The following BACH2 variants were observed in gnomAD, a reference collection of about 807,000 sequenced individuals.
BACH2 encodes BACH transcriptional regulator 2.
Under a neutral mutation model 61.8 loss-of-function variants are expected in BACH2, and 5 were observed. That is an observed-to-expected ratio of 0.08 (90% confidence interval 0.04 to 0.17). BACH2 has a LOEUF of 0.17. BACH2 is among the 10% of genes least tolerant of loss of function. The pLI is 1.00. For missense variants in BACH2, 824 were observed against 1,091.1 expected (o/e 0.76, Z 3.45); for synonymous variants, 446 against 440.1 (o/e 1.01, Z -0.17).
chr6:90,154,820 G>A (rs1307118862), intron 4 of BACH2, among the ~76,000 whole-genome samples: 3 of 152,160 alleles, frequency 2.0e-5, no homozygotes, highest in South Asian at 4.1e-4. Flanking sequence ...CTTTGGCAGG[G>A]TCCTGTCCGT....
At chr6:90,204,537 T>C (rs933591867) in intron 4 of BACH2, among the ~76,000 whole-genome samples, 1 of 152,012 alleles carries the variant, frequency 6.6e-6, no homozygotes, top group Admixed American at 6.5e-5. Flanking sequence ...GAACATAATA[T>C]CCCAAGCAAC....
At chr6:90,060,336 A>T (rs1272661666) in intron 5 of BACH2, among the ~76,000 whole-genome samples, 2 of 152,028 alleles carry the variant, frequency 1.3e-5, no homozygotes, top group Non-Finnish European at 2.9e-5. Context: ...TCTCTTCCTT[A>T]TAGTTCCATC....
chr6:90,189,880 C>G (rs1355506429), intron 4 of BACH2, among the ~76,000 whole-genome samples: 1 of 152,130 alleles, frequency 6.6e-6, no homozygotes, highest in East Asian at 1.9e-4. Flanking sequence ...GTGAAAGAAC[C>G]AAAGATATAT....
At chr6:90,275,998 G>A (rs1237809041) in intron 1 of BACH2, among the ~76,000 whole-genome samples, 1 of 151,890 alleles carries the variant, frequency 6.6e-6, no homozygotes, top group Non-Finnish European at 1.5e-5. Context: ...AATCATCAAT[G>A]GGCATTAAAG....
At chr6:90,030,058 C>T (rs1778878940) in intron 5 of BACH2, among the ~76,000 whole-genome samples, 1 of 152,198 alleles carries the variant, frequency 6.6e-6, no homozygotes. Context: ...AAACACATTG[C>T]CCATTGGCTC....
chr6:90,266,841 G>A (rs1008966892), intron 2 of BACH2, among the ~76,000 whole-genome samples: 1 of 152,062 alleles, frequency 6.6e-6, no homozygotes, highest in East Asian at 1.9e-4. Flanking sequence ...GGTCCCAGTC[G>A]CACGGCACTG....
chr6:90,161,074 G>A (rs973619769), intron 4 of BACH2, among the ~76,000 whole-genome samples: 16 of 127,112 alleles, frequency 1.3e-4, no homozygotes, highest in African/African-American at 3.6e-4. Flanking sequence ...GCGACAGAGC[G>A]AGACTCCGTC....
In BACH2 at chr6:90,187,097, C is replaced by T. The variant is rs542575387; in HGVS notation, c.-162+19472G>A. Among the ~76,000 whole-genome samples, 26 of 152,262 alleles carry T rather than the reference C, an allele frequency of 1.7e-4. 1 individual carries two copies. The South Asian group carries it at 4.8e-3, about 28-fold the overall frequency. ...TAGAAATTCTGCCAACAAAAACCTC[C>T]TGAGGGAAACTAAGAACATCTACTA... is the stretch of plus-strand genomic sequence containing the variant. On this transcript the variant is annotated intron_variant, in intron 4 of 8. Coordinates refer to ENST00000257749, the MANE Select transcript of BACH2 (RefSeq NM_021813.4).
intron 4 of BACH2, among the ~76,000 whole-genome samples, chr6:90,146,191 G>A (rs1784613290): frequency 1.3e-5 from 2 of 152,226 alleles, no homozygotes; most frequent in Non-Finnish European, 2.9e-5. Flanking sequence ...CACCACGTGT[G>A]ACCAAAGATG....
At chr6:89,977,157 A>C (rs1775696271) in intron 6 of BACH2, among the ~76,000 whole-genome samples, 1 of 152,176 alleles carries the variant, frequency 6.6e-6, no homozygotes, top group South Asian at 2.1e-4. Context: ...CTGAAAGTAC[A>C]CCTCTCAAAA....
At chr6:90,134,153 C>A (rs960172690) in intron 4 of BACH2, among the ~76,000 whole-genome samples, 1 of 152,126 alleles carries the variant, frequency 6.6e-6, no homozygotes, top group Admixed American at 6.5e-5. Context: ...TACAGTCCCA[C>A]CAACAGTGTA....
intron 4 of BACH2, among the ~76,000 whole-genome samples, chr6:90,170,005 G>C (rs1767758035): frequency 1.3e-5 from 2 of 152,172 alleles, no homozygotes; most frequent in South Asian, 4.1e-4. Context: ...TATAGTTGAA[G>C]TTCTATTGTG....
At chr6:90,051,354 A>C (rs1051350205) in intron 5 of BACH2, among the ~76,000 whole-genome samples, 1 of 152,144 alleles carries the variant, frequency 6.6e-6, no homozygotes, top group African/African-American at 2.4e-5. Context: ...CATCAGTCTT[A>C]CTGTTAGTAC....
chr6:89,941,401 C>T (rs1773420404), intron 7 of BACH2, among the ~76,000 whole-genome samples: 1 of 152,218 alleles, frequency 6.6e-6, no homozygotes, highest in African/African-American at 2.4e-5. Flanking sequence ...CTGGTGAGCT[C>T]TGTCCCATGA....
At chr6:90,249,758 G>A (rs543725797) in intron 3 of BACH2, among the ~76,000 whole-genome samples, 1 of 152,296 alleles carries the variant, frequency 6.6e-6, no homozygotes, top group South Asian at 2.1e-4. Flanking sequence ...CTGGTTGACA[G>A]AGTGAGACCC....
At chr6:90,083,419 T>C (rs1730026933) in intron 5 of BACH2, among the ~76,000 whole-genome samples, 1 of 152,178 alleles carries the variant, frequency 6.6e-6, no homozygotes. Context: ...CTCTGTACCA[T>C]TAGCAGAGAA....
At chr6:89,969,309 C>G (rs1416298654) in intron 6 of BACH2, among the ~76,000 whole-genome samples, 1 of 152,068 alleles carries the variant, frequency 6.6e-6, no homozygotes, top group Admixed American at 6.5e-5. Flanking sequence ...CCCATCTCGG[C>G]CTCCCAAAGT....
intron 5 of BACH2, among the ~76,000 whole-genome samples, chr6:90,028,789 C>G (rs746646679): frequency 2.0e-5 from 3 of 152,194 alleles, no homozygotes; most frequent in Non-Finnish European, 4.4e-5. Context: ...GCCTACCTGG[C>G]TTTGAATTCT....
chr6:90,202,580 A>G (rs1768992145), intron 4 of BACH2, among the ~76,000 whole-genome samples: 1 of 152,218 alleles, frequency 6.6e-6, no homozygotes, highest in Non-Finnish European at 1.5e-5. Context: ...GAACATAACA[A>G]GGAAGAAACA....
Sources: allele counts gnomAD v4.1 joint callset (sites outside exome capture counted in the v4.1 genomes callset), GRCh38; gene constraint gnomAD v4.1.1; transcripts MANE v1.5; gene names NCBI Gene and HGNC (gene_info 2026-07-23, HGNC 2026-07-21).